The following LYNX1 variants were observed in gnomAD, a reference collection of about 807,000 sequenced individuals.
The protein encoded by LYNX1 is Ly6/neurotoxin 1.
Under a neutral mutation model 8.3 loss-of-function variants are expected in LYNX1, and 8 were observed. That is an observed-to-expected ratio of 0.97 (90% CI 0.57 to 1.74). LYNX1 has a LOEUF of 1.74. Among genes scored for constraint, LYNX1 ranks in the 40% most tolerant of loss-of-function variants. The pLI is 0.00. For missense variants in LYNX1, 158 were observed against 159.7 expected (o/e 0.99, Z 0.06); for synonymous variants, 73 against 67.9 (o/e 1.08, Z -0.37).
At chr8:142,777,758 C>A, upstream of LYNX1, 1 of 397,864 alleles carries the variant, frequency 2.5e-6, no homozygotes, top group Admixed American at 4.4e-5. Context: ...CTCAGACTCA[C>A]GTGTTCAGCC....
upstream of LYNX1, among the ~76,000 whole-genome samples, chr8:142,777,509 CGAG>C (rs1815477774): frequency 9.9e-6 from 1 of 101,448 alleles, no homozygotes; most frequent in African/African-American, 4.3e-5. Context: ...CCCGCCGAGC[CGAG>C]TTCACCGCAG....
intron 1 of LYNX1, chr8:142,776,388 A>T: frequency 4.1e-6 from 1 of 244,796 alleles, no homozygotes; most frequent in Non-Finnish European, 8.3e-6. Context: ...AGTGCTAGAG[A>T]AGGAGTAGGG....
At chr8:142,777,858 T>TC (rs1349252540), upstream of LYNX1, 1 of 398,600 alleles carries the variant, frequency 2.5e-6, no homozygotes, top group Non-Finnish European at 4.4e-6. Flanking sequence ...GCCGCGTCGT[T>TC]TGTCGGCCGG....
chr8:142,772,563 C>A lies in LYNX1; in HGVS notation c.*2604G>T. On this transcript the variant is annotated 3_prime_UTR_variant, in exon 4 of 4. Coordinates refer to ENST00000652477, the MANE Select transcript of LYNX1 (RefSeq NM_177477.4). ...AGTGTGGGGCAGCTACTTCACCTCC[C>A]TGTGCCTCTGTGTCCTCCTCTGTCA... The A allele has an allele frequency of 1.0e-6, 1 of 985,570 alleles. No individual in the cohort carries two copies. Among genetic ancestry groups the A allele is most frequent in the Non-Finnish European group, 1.2e-6 (1 of 830,016 alleles). The allele number at this position is 985,570 out of a possible 1,614,324, so 61.1% of individuals were successfully genotyped here.
At chr8:142,775,421 G>T in intron 3 of LYNX1, 58 bp from the exon 4 acceptor site, 2 of 1,595,496 alleles carry the variant, frequency 1.3e-6, no homozygotes, top group Non-Finnish European at 1.7e-6. Flanking sequence ...GACCCAGCTG[G>T]CCCCACCCCA....
rs991645216 is a variant in LYNX1, at chr8:142,773,243, C to T, written c.*1924G>A. On this transcript the variant is annotated 3_prime_UTR_variant, in exon 4 of 4. Transcript: ENST00000652477. ...GCCTCATTTGGGCACTGCCCTGAGGCTGGCACTTGCAGGTGGGGGCCCTTG... is the reference window on the plus strand; with the variant it reads ...GCCTCATTTGGGCACTGCCCTGAGGTTGGCACTTGCAGGTGGGGGCCCTTG... 1.8e-5 allele frequency: 18 copies of T among 985,390 alleles called. No individual in the cohort carries two copies. The African/African-American group carries it at 3.0e-4, about 16-fold the overall frequency. 61.0% of individuals were successfully genotyped at this position (985,390 alleles called of 1,614,324 possible).
Position 142,774,070 on chromosome 8 carries a change from G to A in LYNX1, c.*1097C>T. The A allele has an allele frequency of 2.0e-6, 2 of 985,414 alleles. No homozygotes were observed. The highest frequency in any genetic ancestry group is 9.4e-5 in the South Asian group (2 of 21,288). 61.0% of individuals were successfully genotyped at this position (985,414 alleles called of 1,614,324 possible). A position where few individuals can be genotyped will look rare whatever the true frequency, so the allele number is the denominator to read the frequency against. On this transcript the variant is annotated 3_prime_UTR_variant, in exon 4 of 4. Transcript: ENST00000652477. ...CTTCCACCCTGCCCTCCCAGTGGGTGCATCCCCAGGTGGAAGGTGATGGAG... is the reference window on the plus strand; with the variant it reads ...CTTCCACCCTGCCCTCCCAGTGGGTACATCCCCAGGTGGAAGGTGATGGAG...
rs989402220 is a variant in LYNX1, at chr8:142,774,552, G to A, written c.*615C>T. 8 of 985,638 alleles carry A rather than the reference G, an allele frequency of 8.1e-6. No homozygotes were observed. Among genetic ancestry groups the A allele is most frequent in the African/African-American group, 3.5e-5 (2 of 57,222 alleles). 61.1% of individuals were successfully genotyped at this position (985,638 alleles called of 1,614,324 possible). The stretch of plus-strand genomic sequence containing the variant: ...GCTTCTGTGACTTCGGGGGCCCTGG[G>A]GCCTGCTGAGGCAGAGCCGCCCCCT... On this transcript the variant is annotated 3_prime_UTR_variant, in exon 4 of 4. Transcript: ENST00000652477.
In LYNX1 at chr8:142,773,812, T is replaced by C; in HGVS notation, c.*1355A>G. On this transcript the variant is annotated 3_prime_UTR_variant, in exon 4 of 4. Coordinates refer to ENST00000652477, the MANE Select transcript of LYNX1 (RefSeq NM_177477.4). ...ATGTCACCATCCTGCCCATGCGGGA[T>C]GGCTTGAAGGGTTTCTCAGGACACC... 1.0e-6 allele frequency: 1 copy of C among 985,310 alleles called. No homozygotes were observed. Among genetic ancestry groups the C allele is most frequent in the Non-Finnish European group, 1.2e-6 (1 of 829,888 alleles). The allele number at this position is 985,310 out of a possible 1,614,324, so 61.0% of individuals were successfully genotyped here.
In LYNX1 at chr8:142,774,716, T is replaced by TC; in HGVS notation, c.*450_*451insG. On this transcript the variant is annotated 3_prime_UTR_variant, in exon 4 of 4. Coordinates refer to ENST00000652477, the MANE Select transcript of LYNX1 (RefSeq NM_177477.4). ...CCTCAGTAGGAAGCGTGACTAGGCC[T>TC]GGAGGAGCCTTTCCTCCTAAGAGTC... is the stretch of plus-strand genomic sequence containing the variant. 2 of 1,009,078 alleles carry TC rather than the reference T, an allele frequency of 2.0e-6. No homozygotes were observed. Among genetic ancestry groups the TC allele is most frequent in the Admixed American group, 5.3e-5 (1 of 18,786 alleles). 62.5% of individuals were successfully genotyped at this position (1,009,078 alleles called of 1,614,324 possible).
Position 142,773,794 on chromosome 8 carries a change from C to T in LYNX1, c.*1373G>A. 4.1e-6 allele frequency: 4 copies of T among 985,318 alleles called. No homozygotes were observed. The highest frequency in any genetic ancestry group is 4.8e-6 in the Non-Finnish European group (4 of 829,918). The allele number at this position is 985,318 out of a possible 1,614,324, so 61.0% of individuals were successfully genotyped here. On this transcript the variant is annotated 3_prime_UTR_variant, in exon 4 of 4. Coordinates refer to ENST00000652477, the MANE Select transcript of LYNX1 (RefSeq NM_177477.4). ...CAATCCTACCACATGGATATGTCAC[C>T]ATCCTGCCCATGCGGGATGGCTTGA...
chr8:142,775,977 G>A lies in LYNX1; in HGVS notation c.-20C>T. ...CGTCATGGCTGCAGGCAGGAGGGCAGCGTGGGAGTGGGGAGGTCAACAGCA... is the reference window on the plus strand; with the variant it reads ...CGTCATGGCTGCAGGCAGGAGGGCAACGTGGGAGTGGGGAGGTCAACAGCA... On this transcript the variant is annotated 5_prime_UTR_variant, in exon 2 of 4. Transcript: ENST00000652477. The A allele has an allele frequency of 6.2e-7, 1 of 1,613,678 alleles. No homozygotes were observed. Among genetic ancestry groups the A allele is most frequent in the Non-Finnish European group, 8.5e-7 (1 of 1,179,970 alleles).
chr8:142,772,620 C>T lies in LYNX1; in HGVS notation c.*2547G>A. The T allele has an allele frequency of 1.0e-6, 1 of 985,546 alleles. No homozygotes were observed. Among genetic ancestry groups the T allele is most frequent in the Non-Finnish European group, 1.2e-6 (1 of 830,014 alleles). 61.1% of individuals were successfully genotyped at this position (985,546 alleles called of 1,614,324 possible). A position where few individuals can be genotyped will look rare whatever the true frequency, so the allele number is the denominator to read the frequency against. On this transcript the variant is annotated 3_prime_UTR_variant, in exon 4 of 4. Transcript: ENST00000652477. ...CAAGATAATGGCTCCCATTGCCGGG[C>T]TGCTATACAGTGCTCAGGGCCACAG...
Position 142,775,344 on chromosome 8 carries a change from C to G in LYNX1, c.174G>C (p.Met58Ile), listed in dbSNP as rs750720051. The part of the protein sequence containing the change: ...TTRTYYTPTR[M>I]KVSKSCVPRC... ...GGGGCACGCAGGACTTACTGACCTTCATCCTGGTGGGGGTGTAGTCTGCAG... is the reference window on the plus strand; with the variant it reads ...GGGGCACGCAGGACTTACTGACCTTGATCCTGGTGGGGGTGTAGTCTGCAG... Residue 58 changes from methionine to isoleucine, a missense_variant, in exon 4 of 4, where the codon ATG becomes ATC. Coordinates refer to ENST00000652477, the MANE Select transcript of LYNX1 (RefSeq NM_177477.4). 1.9e-6 allele frequency: 3 copies of G among 1,613,802 alleles called. No individual in the cohort carries two copies. In the Admixed American group the frequency reaches 5.0e-5, roughly 27 times the overall value.
Position 142,774,318 on chromosome 8 carries a change from G to A in LYNX1, c.*849C>T. ...CCTTGCTCGGCTGGGTCCTGCTGTGGTTGGGGACCAGGACTCGGGGGACCA... is the reference window on the plus strand; with the variant it reads ...CCTTGCTCGGCTGGGTCCTGCTGTGATTGGGGACCAGGACTCGGGGGACCA... On this transcript the variant is annotated 3_prime_UTR_variant, in exon 4 of 4. Coordinates refer to ENST00000652477, the MANE Select transcript of LYNX1 (RefSeq NM_177477.4). 1.0e-6 allele frequency: 1 copy of A among 985,970 alleles called. No individual in the cohort carries two copies. Among genetic ancestry groups the A allele is most frequent in the Non-Finnish European group, 1.2e-6 (1 of 830,310 alleles). 61.1% of individuals were successfully genotyped at this position (985,970 alleles called of 1,614,324 possible).
At chr8:142,777,353 G>T (rs1321391795), upstream of LYNX1, 2 of 73,876 alleles carry the variant, frequency 2.7e-5, no homozygotes, top group Non-Finnish European at 5.3e-5. Context: ...CCCCCGAGCC[G>T]AGCTCACCGC....
Position 142,774,145 on chromosome 8 carries a change from G to GCCCCGGGCC in LYNX1, c.*1021_*1022insGGCCCGGGG. ...GCTGCGGGGGAGGGGCTGGGTCTCC[G>GCCCCGGGCC]CCCTCCCCACCCCACCCTCCCCACT... On this transcript the variant is annotated 3_prime_UTR_variant, in exon 4 of 4. Coordinates refer to ENST00000652477, the MANE Select transcript of LYNX1 (RefSeq NM_177477.4). 3.1e-6 allele frequency: 3 copies of GCCCCGGGCC among 981,850 alleles called. No individual in the cohort carries two copies. Among genetic ancestry groups the GCCCCGGGCC allele is most frequent in the Non-Finnish European group, 3.6e-6 (3 of 827,984 alleles). The allele number at this position is 981,850 out of a possible 1,614,324, so 60.8% of individuals were successfully genotyped here.
Position 142,774,253 on chromosome 8 carries a change from C to T in LYNX1, c.*914G>A, listed in dbSNP as rs1435014902. On this transcript the variant is annotated 3_prime_UTR_variant, in exon 4 of 4. Transcript: ENST00000652477. ...GCGCCGGCCCCAGGCTGCTCCCAAC[C>T]CCCAGCCTGTGCGCGCATCCCCCAG... 1.2e-5 allele frequency: 12 copies of T among 984,744 alleles called. No individual in the cohort carries two copies. Among genetic ancestry groups the T allele is most frequent in the Non-Finnish European group, 1.4e-5 (12 of 829,592 alleles). 61.0% of individuals were successfully genotyped at this position (984,744 alleles called of 1,614,324 possible).
chr8:142,772,383 C>A lies in LYNX1; in HGVS notation c.*2784G>T. ...GGAGGCCTTACTCTACCACTCAGGGCTTCTCAAACCTCTGGTTCCACTTTT... is the reference window on the plus strand; with the variant it reads ...GGAGGCCTTACTCTACCACTCAGGGATTCTCAAACCTCTGGTTCCACTTTT... On this transcript the variant is annotated 3_prime_UTR_variant, in exon 4 of 4. Transcript: ENST00000652477. The A allele has an allele frequency of 1.0e-6, 1 of 985,518 alleles. No individual in the cohort carries two copies. Among genetic ancestry groups the A allele is most frequent in the South Asian group, 4.7e-5 (1 of 21,286 alleles). The allele number at this position is 985,518 out of a possible 1,614,324, so 61.0% of individuals were successfully genotyped here.
Sources: allele counts gnomAD v4.1 joint callset (sites outside exome capture counted in the v4.1 genomes callset), GRCh38; gene constraint gnomAD v4.1.1; transcripts MANE v1.5; gene names NCBI Gene and HGNC (gene_info 2026-07-23, HGNC 2026-07-21).